DLG2: variants seen among roughly 807,000 people sequenced by gnomAD.
DLG2 encodes disks large homolog 2.
DLG2 carries 45 observed loss-of-function variants against 132.5 expected under a neutral mutation model. The observed-to-expected ratio is 0.34, with a 90% confidence interval of 0.27 to 0.44. DLG2 has a LOEUF of 0.44. Ranked by LOEUF, DLG2 falls within the 20% of genes least tolerant of loss-of-function variation. The pLI is 1.00. For missense variants in DLG2, 1,045 were observed against 1,196.9 expected (o/e 0.87, Z 1.87); for synonymous variants, 424 against 419.6 (o/e 1.01, Z -0.13).
chr11:85,037,824 T>A (rs931248391), intron 6 of DLG2, among the ~76,000 whole-genome samples: 4 of 152,164 alleles, frequency 2.6e-5, no homozygotes, highest in Non-Finnish European at 5.9e-5. Context: ...ATTTACCTTA[T>A]TTTTTATTAC....
At chr11:85,006,899 A>T (rs770595185) in intron 6 of DLG2, among the ~76,000 whole-genome samples, 4 of 151,990 alleles carry the variant, frequency 2.6e-5, no homozygotes, top group Non-Finnish European at 5.9e-5. Flanking sequence ...ATATATTTCT[A>T]TTTTCATACA....
chr11:84,428,071 A>G (rs1052051633), intron 7 of DLG2, among the ~76,000 whole-genome samples: 1 of 152,174 alleles, frequency 6.6e-6, no homozygotes, highest in South Asian at 2.1e-4. Context: ...AATAGTTTGC[A>G]TTCATTTTGC....
intron 19 of DLG2, among the ~76,000 whole-genome samples, chr11:83,621,860 G>C (rs113560028): frequency 2.6e-5 from 4 of 151,960 alleles, no homozygotes; most frequent in Non-Finnish European, 4.4e-5. Context: ...GTGTTCCCCC[G>C]TCCCACACCT....
intron 3 of DLG2, among the ~76,000 whole-genome samples, chr11:85,315,531 G>A (rs1350491133): frequency 6.6e-6 from 1 of 151,896 alleles, no homozygotes; most frequent in East Asian, 1.9e-4. Context: ...ATGCTACTAT[G>A]TATTTCTGGA....
rs151066951 is a variant in DLG2, at chr11:83,636,650, A to T, written c.1826-3325T>A. ...ATTCTCTGACACTTCATCTATATAC[A>T]ATCAACACTTTGTTAGGCTCTTGTA... is the stretch of plus-strand genomic sequence containing the variant. On this transcript the variant is annotated intron_variant, in intron 18 of 27. Coordinates refer to ENST00000376104, the MANE Select transcript of DLG2 (RefSeq NM_001142699.3). Among the ~76,000 whole-genome samples the T allele has an allele frequency of 2.0e-3, 303 of 152,264 alleles. 1 individual carries two copies. Among genetic ancestry groups the T allele is most frequent in the Non-Finnish European group, 3.4e-3 (234 of 68,016 alleles).
intron 3 of DLG2, among the ~76,000 whole-genome samples, chr11:85,342,437 G>T (rs1295093159): frequency 6.6e-6 from 1 of 152,150 alleles, no homozygotes; most frequent in Non-Finnish European, 1.5e-5. Flanking sequence ...CCCACTGGAA[G>T]GTGTTCAGGG....
chr11:84,066,058 G>A (rs2096666198), intron 10 of DLG2, among the ~76,000 whole-genome samples: 1 of 152,046 alleles, frequency 6.6e-6, no homozygotes, highest in African/African-American at 2.4e-5. Context: ...CATTTACTGG[G>A]TCCTACTTGA....
At chr11:85,030,343 T>C (rs950944350) in intron 6 of DLG2, among the ~76,000 whole-genome samples, 2 of 152,208 alleles carry the variant, frequency 1.3e-5, no homozygotes, top group African/African-American at 4.8e-5. Flanking sequence ...GCTGACTCAC[T>C]AATTTCTTAG....
rs2092060060 is a variant in DLG2, at chr11:83,471,784, A to G, written c.2345-57T>C. The G allele has an allele frequency of 5.0e-6, 7 of 1,402,452 alleles. No homozygotes were observed. In the South Asian group the frequency reaches 8.3e-5, roughly 17 times the overall value. 86.9% of individuals were successfully genotyped at this position (1,402,452 alleles called of 1,614,324 possible). Reference sequence around the variant, plus strand: ...GAGAAAGAGTTGGAAACAACTGCAAAACTGTCCTGCAAGGGTGATTCTTAA... The same window carrying G: ...GAGAAAGAGTTGGAAACAACTGCAAGACTGTCCTGCAAGGGTGATTCTTAA... On this transcript the variant is annotated intron_variant, in intron 23 of 27. Coordinates refer to ENST00000376104, the MANE Select transcript of DLG2 (RefSeq NM_001142699.3).
At chr11:84,023,975 TATAAC>T (rs1334374078) in intron 11 of DLG2, among the ~76,000 whole-genome samples, 5 of 152,156 alleles carry the variant, frequency 3.3e-5, no homozygotes, top group Non-Finnish European at 2.9e-5. Flanking sequence ...ATATAATACA[TATAAC>T]ATACAAAATA....
intron 4 of DLG2, among the ~76,000 whole-genome samples, chr11:85,195,965 T>C (rs973409211): frequency 1.3e-5 from 2 of 152,362 alleles, no homozygotes; most frequent in East Asian, 1.9e-4. Flanking sequence ...TAAAGTATCA[T>C]TCATTATTTT....
chr11:84,119,791 T>C (rs1247862404), intron 9 of DLG2, among the ~76,000 whole-genome samples: 1 of 152,170 alleles, frequency 6.6e-6, no homozygotes, highest in East Asian at 1.9e-4. Flanking sequence ...ATCTTATTAG[T>C]TACCTATAAT....
At chr11:84,217,843 C>G (rs1008723832) in intron 8 of DLG2, among the ~76,000 whole-genome samples, 1 of 152,144 alleles carries the variant, frequency 6.6e-6, no homozygotes, top group Non-Finnish European at 1.5e-5. Flanking sequence ...AGCTGTTCAA[C>G]AAATTTTGTG....
At chr11:84,388,561 C>T (rs1206479241) in intron 7 of DLG2, among the ~76,000 whole-genome samples, 1 of 151,902 alleles carries the variant, frequency 6.6e-6, no homozygotes, top group Non-Finnish European at 1.5e-5. Flanking sequence ...TCAAATTTCA[C>T]AAATTTAAAC....
intron 7 of DLG2, among the ~76,000 whole-genome samples, chr11:84,359,419 C>T (rs2098636876): frequency 6.6e-6 from 1 of 151,872 alleles, no homozygotes; most frequent in Non-Finnish European, 1.5e-5. Flanking sequence ...GCTTAAAATT[C>T]ATTAATGTTG....
chr11:84,853,639 A>T (rs2082415941), intron 6 of DLG2, among the ~76,000 whole-genome samples: 1 of 152,044 alleles, frequency 6.6e-6, no homozygotes, highest in Non-Finnish European at 1.5e-5. Flanking sequence ...GTCCAGCAAG[A>T]TAATGCTTTC....
chr11:85,024,579 C>T (rs2060356761), intron 6 of DLG2, among the ~76,000 whole-genome samples: 1 of 152,192 alleles, frequency 6.6e-6, no homozygotes, highest in Admixed American at 6.5e-5. Flanking sequence ...CTCTTCATTG[C>T]ATGTTGTCTA....
At chr11:84,991,619 A>C (rs1035648327) in intron 6 of DLG2, among the ~76,000 whole-genome samples, 5 of 152,114 alleles carry the variant, frequency 3.3e-5, no homozygotes, top group African/African-American at 9.6e-5. Flanking sequence ...GTATTGCTAT[A>C]AAAGGACAAC....
intron 4 of DLG2, among the ~76,000 whole-genome samples, chr11:85,209,152 C>A (rs1212246273): frequency 1.3e-5 from 2 of 152,076 alleles, no homozygotes; most frequent in African/African-American, 4.8e-5. Flanking sequence ...CCCTGTTTCT[C>A]ATCAATAAAA....
Sources: gnomAD v4.1 joint callset for allele counts (sites outside exome capture counted in the v4.1 genomes callset) on GRCh38, gnomAD v4.1.1 for gene constraint, MANE v1.5 for transcripts, NCBI Gene and HGNC (gene_info 2026-07-23, HGNC 2026-07-21) for gene names.